ANKFN1: variants seen among roughly 807,000 people sequenced by gnomAD.
ANKFN1 encodes ankyrin repeat and fibronectin type-III domain-containing protein 1.
A neutral mutation model predicts 108.7 loss-of-function variants in ANKFN1; 74 were observed. The ratio of observed to expected loss-of-function variants is 0.68; its 90% CI spans 0.56 to 0.83. The LOEUF is 0.83. ANKFN1 is among the 40% of genes least tolerant of loss of function. The pLI is 0.00. For synonymous variants in ANKFN1, 547 were observed against 516.2 expected (o/e 1.06, Z -0.81); for missense variants, 1,505 against 1,382.3 (o/e 1.09, Z -1.41).
chr17:56,110,640 G>A (rs1236271011), intron 4 of ANKFN1, among the ~76,000 whole-genome samples: 2 of 152,144 alleles, frequency 1.3e-5, no homozygotes, highest in Non-Finnish European at 2.9e-5. Flanking sequence ...AATGAATGAA[G>A]GCAAAGTGAA....
intron 2 of ANKFN1, among the ~76,000 whole-genome samples, chr17:56,219,700 G>C (rs1031918409): frequency 2.6e-5 from 4 of 152,170 alleles, no homozygotes; most frequent in African/African-American, 7.2e-5. Context: ...CTTAATCTGG[G>C]ATTGGCATGG....
intron 4 of ANKFN1, among the ~76,000 whole-genome samples, chr17:56,343,527 C>G (rs1337396250): frequency 6.6e-6 from 1 of 151,836 alleles, no homozygotes; most frequent in Non-Finnish European, 1.5e-5. Context: ...AACTTTCTCT[C>G]TATGTCTTTG....
chr17:56,072,863 G>A (rs1364735128), intron 4 of ANKFN1, among the ~76,000 whole-genome samples: 1 of 152,178 alleles, frequency 6.6e-6, no homozygotes, highest in African/African-American at 2.4e-5. Flanking sequence ...AGTGGACAAA[G>A]CCCAAAAAAT....
chr17:56,509,911 T>C (rs1485765895), intron 20 of ANKFN1, among the ~76,000 whole-genome samples: 1 of 152,224 alleles, frequency 6.6e-6, no homozygotes, highest in Non-Finnish European at 1.5e-5. Flanking sequence ...AATGTGGGCT[T>C]TTTCTTCGAT....
chr17:56,326,329 C>G lies in ANKFN1; in HGVS notation c.162C>G (p.Ser54=). The change falls in exon 4 of 21, where the codon TCC becomes TCG. Residue 54 remains serine (S), a synonymous_variant. Coordinates refer to ENST00000682825, the MANE Select transcript of ANKFN1 (RefSeq NM_001370326.1). ...CTGGACAATTACCAACAACTTGTTC[C>G]TCTGCTGCCTCGAACAGCATAAACT... ...ESTGQLPTTC[S]SAASNSINWN... 1 of 1,613,550 alleles carries G rather than the reference C, an allele frequency of 6.2e-7. No homozygotes were observed. The highest frequency in any genetic ancestry group is 8.5e-7 in the Non-Finnish European group (1 of 1,179,712).
chr17:56,234,449 A>T (rs1190665926), intron 3 of ANKFN1, among the ~76,000 whole-genome samples: 1 of 151,998 alleles, frequency 6.6e-6, no homozygotes, highest in Non-Finnish European at 1.5e-5. Flanking sequence ...TTTATCACCC[A>T]GGTACTAAGA....
In ANKFN1 at chr17:56,378,721, C is replaced by T. The variant is rs1490874231; in HGVS notation, c.910+4007C>T. 6.6e-5 allele frequency among the ~76,000 whole-genome samples: 10 copies of T among 152,258 alleles called. No homozygotes were observed. The East Asian group carries it at 1.9e-3, about 29-fold the overall frequency. On this transcript the variant is annotated intron_variant, in intron 8 of 20. Coordinates refer to ENST00000682825, the MANE Select transcript of ANKFN1 (RefSeq NM_001370326.1). ...GAGGAGGAGCAGGAAATGTTACGTC[C>T]AGAGGACATGAAACTTAGTGGATTA... is the stretch of plus-strand genomic sequence containing the variant.
intron 1 of ANKFN1, chr17:56,174,335 C>T: frequency 1.0e-6 from 1 of 985,622 alleles, no homozygotes; most frequent in Middle Eastern, 5.2e-4. Flanking sequence ...CACCTGGAAT[C>T]CCTACCAAGT....
intron 1 of ANKFN1, among the ~76,000 whole-genome samples, chr17:56,170,467 A>T (rs961015675): frequency 2.0e-5 from 3 of 152,002 alleles, no homozygotes; most frequent in African/African-American, 7.2e-5. Context: ...TAAATGTATT[A>T]AAATAACCTA....
chr17:56,444,417 A>G (rs915436669), intron 10 of ANKFN1, among the ~76,000 whole-genome samples: 4 of 152,066 alleles, frequency 2.6e-5, no homozygotes, highest in African/African-American at 9.7e-5. Context: ...TTTTTTAACT[A>G]TGCCTGTGTA....
At chr17:56,131,738 T>C (rs1042483529) in intron 4 of ANKFN1, among the ~76,000 whole-genome samples, 4 of 152,112 alleles carry the variant, frequency 2.6e-5, no homozygotes, top group African/African-American at 4.8e-5. Context: ...ATTAAGAAAA[T>C]ACTATGGTCA....
chr17:56,272,228 A>G (rs2043811648), intron 3 of ANKFN1, among the ~76,000 whole-genome samples: 1 of 152,202 alleles, frequency 6.6e-6, no homozygotes, highest in Non-Finnish European at 1.5e-5. Context: ...TGATTGTACA[A>G]CTATCACCTC....
At chr17:56,430,373 T>A (rs2048711403) in intron 8 of ANKFN1, among the ~76,000 whole-genome samples, 1 of 151,764 alleles carries the variant, frequency 6.6e-6, no homozygotes, top group African/African-American at 2.4e-5. Flanking sequence ...GGCAGTCGGA[T>A]GGGGAGAGGG....
chr17:56,215,162 C>A (rs1359195807), intron 2 of ANKFN1, among the ~76,000 whole-genome samples: 1 of 152,182 alleles, frequency 6.6e-6, no homozygotes, highest in Non-Finnish European at 1.5e-5. Context: ...GGGCTCTGTA[C>A]AAGGAAGCTG....
At chr17:56,170,807 T>TATATATATATATACAC (rs1361307404) in intron 1 of ANKFN1, among the ~76,000 whole-genome samples, 29 of 61,452 alleles carry the variant, frequency 4.7e-4, no homozygotes, top group African/African-American at 1.1e-3. Flanking sequence ...TATATATATA[T>TATATATATATATACAC]ACACACACAC....
intron 3 of ANKFN1, among the ~76,000 whole-genome samples, chr17:56,284,394 A>G (rs543404102): frequency 6.2e-4 from 95 of 152,338 alleles, no homozygotes; most frequent in Non-Finnish European, 1.2e-3. Flanking sequence ...AAATACTCCT[A>G]TGATATTTCC....
At chr17:56,445,148 G>C (rs1414787917) in intron 10 of ANKFN1, among the ~76,000 whole-genome samples, 1 of 152,218 alleles carries the variant, frequency 6.6e-6, no homozygotes, top group Non-Finnish European at 1.5e-5. Flanking sequence ...AGGATAAAAG[G>C]AACCAATCTC....
At chr17:56,059,937 T>G (rs186394956) in intron 4 of ANKFN1, among the ~76,000 whole-genome samples, 33 of 151,888 alleles carry the variant, frequency 2.2e-4, no homozygotes, top group Middle Eastern at 3.4e-3. Flanking sequence ...CATATGAAAT[T>G]TGAAGTGTTT....
At chr17:56,164,989 G>A (rs184542093) in intron 1 of ANKFN1, among the ~76,000 whole-genome samples, 41 of 152,330 alleles carry the variant, frequency 2.7e-4, no homozygotes, top group Admixed American at 2.3e-3. Flanking sequence ...TCATTTGCTA[G>A]TTAGGTGGCA....
Sources: gnomAD v4.1 joint callset for allele counts (sites outside exome capture counted in the v4.1 genomes callset) on GRCh38, gnomAD v4.1.1 for gene constraint, MANE v1.5 for transcripts, NCBI Gene and HGNC (gene_info 2026-07-23, HGNC 2026-07-21) for gene names.